The following CACNA1C variants were observed in gnomAD, a reference collection of about 807,000 sequenced individuals.
The protein encoded by CACNA1C is calcium voltage-gated channel subunit alpha1 C.
CACNA1C carries 30 observed loss-of-function variants against 229.0 expected under a neutral mutation model. The observed-to-expected ratio is 0.13, with a 90% CI of 0.10 to 0.18. The LOEUF (loss-of-function observed/expected upper bound fraction) is 0.18, where lower values mean the gene tolerates loss of function less well. CACNA1C is among the 10% of genes least tolerant of loss of function. CACNA1C has a pLI of 1.00. For missense variants in CACNA1C, 1,658 were observed against 2,845.0 expected, an observed-to-expected ratio of 0.58 and a Z score of 9.49; for synonymous variants, 1,114 against 1,132.5, an observed-to-expected ratio of 0.98 and a Z score of 0.33.
At chr12:2,186,579 G>C (rs1351657819) in intron 3 of CACNA1C, among the ~76,000 whole-genome samples, 1 of 152,170 alleles carries the variant, frequency 6.6e-6, no homozygotes, top group Non-Finnish European at 1.5e-5. Context: ...AGATGTGCTG[G>C]AGACATTGCT....
In CACNA1C at chr12:2,232,119, C is replaced by G. The variant is rs146204505; in HGVS notation, c.477+111689C>G. 1.1e-4 allele frequency among the ~76,000 whole-genome samples: 16 copies of G among 151,568 alleles called. No homozygotes were observed. The East Asian group carries it at 3.1e-3, about 30-fold the overall frequency. The stretch of plus-strand genomic sequence containing the variant: ...CATTTTGATCTTACGAGTTTCTCCA[C>G]TTCAGTCCTTTTTTTCTGGTGCAGA... On this transcript the variant is annotated intron_variant, in intron 3 of 46. Transcript: ENST00000399655.
Position 2,079,736 on chromosome 12 carries a change from A to T in CACNA1C, c.49+26125A>T, listed in dbSNP as rs931535897. Among the ~76,000 whole-genome samples, 5 of 152,308 alleles carry T rather than the reference A, an allele frequency of 3.3e-5. No individual in the cohort carries two copies. In the East Asian group the frequency reaches 7.7e-4, roughly 23 times the overall value. Reference sequence around the variant, plus strand: ...AACCCCACAAAACTAGATCTAGGATAACTGATACCCATAGGACCCTTCAAA... The same window carrying T: ...AACCCCACAAAACTAGATCTAGGATTACTGATACCCATAGGACCCTTCAAA... On this transcript the variant is annotated intron_variant, in intron 1 of 46. Transcript: ENST00000399655.
intron 3 of CACNA1C, among the ~76,000 whole-genome samples, chr12:2,313,520 C>T (rs1350037764): frequency 6.6e-6 from 1 of 152,026 alleles, no homozygotes; most frequent in Non-Finnish European, 1.5e-5. Context: ...GAAAATCCCC[C>T]AGAAAAAAAG....
At chr12:1,996,662 AC>A (rs2040992218) in intron 1 of CACNA1C, among the ~76,000 whole-genome samples, 5 of 104,028 alleles carry the variant, frequency 4.8e-5, no homozygotes, top group Admixed American at 9.8e-5. Flanking sequence ...AAAACAACAA[AC>A]TCTTCTAATG....
At chr12:2,682,882 C>CCACACA (rs2097235469) in intron 43 of CACNA1C, among the ~76,000 whole-genome samples, 1 of 16,686 alleles carries the variant, frequency 6.0e-5, no homozygotes, top group African/African-American at 8.8e-5. Flanking sequence ...ACACACACCA[C>CCACACA]ACACACACAC....
chr12:2,052,155 G>A (rs1226182235), upstream of CACNA1C, among the ~76,000 whole-genome samples: 1 of 152,170 alleles, frequency 6.6e-6, no homozygotes, highest in Non-Finnish European at 1.5e-5. Flanking sequence ...ATTCCTGCCG[G>A]AGTTGCAGAA....
At chr12:2,404,206 G>T (rs866707258) in intron 3 of CACNA1C, among the ~76,000 whole-genome samples, 3 of 152,190 alleles carry the variant, frequency 2.0e-5, no homozygotes, top group African/African-American at 7.2e-5. Flanking sequence ...AACTCGAGCC[G>T]TGTCCTTAGC....
intron 9 of CACNA1C, among the ~76,000 whole-genome samples, chr12:2,518,195 G>T (rs917293306): frequency 2.0e-5 from 3 of 152,250 alleles, no homozygotes; most frequent in African/African-American, 7.2e-5. Context: ...TGGAAGGCTT[G>T]TAAGAGCTGC....
chr12:2,566,707 G>T lies in CACNA1C; in HGVS notation c.1669+125G>T. 1 of 788,528 alleles carries T rather than the reference G, an allele frequency of 1.3e-6. No individual in the cohort carries two copies. The highest frequency in any genetic ancestry group is 2.0e-6 in the Non-Finnish European group (1 of 504,158). 48.8% of individuals were successfully genotyped at this position (788,528 alleles called of 1,614,324 possible). On this transcript the variant is annotated intron_variant, in intron 12 of 46. Transcript: ENST00000399655. The surrounding 1 kb of genome is among the most constrained non-coding windows in gnomAD (Gnocchi z 4.0). ...AGCCAATGGTCGGGGCTCTTGGCAGGTGCTGTGCTGGAGACACCAAGGGCC... is the reference window on the plus strand; with the variant it reads ...AGCCAATGGTCGGGGCTCTTGGCAGTTGCTGTGCTGGAGACACCAAGGGCC...
chr12:2,267,462 A>G (rs989668497), intron 3 of CACNA1C, among the ~76,000 whole-genome samples: 1 of 152,166 alleles, frequency 6.6e-6, no homozygotes, highest in Admixed American at 6.5e-5. Context: ...GGGTGTGGGC[A>G]GGACTGGGCA....
intron 3 of CACNA1C, among the ~76,000 whole-genome samples, chr12:2,198,129 C>T (rs938633813): frequency 9.9e-5 from 15 of 152,162 alleles, no homozygotes; most frequent in African/African-American, 3.1e-4. Context: ...GAGTCGAGGC[C>T]GAGTTTGCAT....
At chr12:2,141,750 A>C (rs2094221007) in intron 3 of CACNA1C, among the ~76,000 whole-genome samples, 1 of 151,298 alleles carries the variant, frequency 6.6e-6, no homozygotes, top group African/African-American at 2.4e-5. Flanking sequence ...AGGAGCGTGG[A>C]GACAGCTGTG....
intron 3 of CACNA1C, among the ~76,000 whole-genome samples, chr12:2,125,310 C>T (rs555580399): frequency 4.6e-5 from 7 of 152,140 alleles, no homozygotes; most frequent in African/African-American, 1.4e-4. Flanking sequence ...GCCAAAAGTA[C>T]GAGAAGAGGA....
intron 3 of CACNA1C, among the ~76,000 whole-genome samples, chr12:2,355,232 T>G (rs1387448082): frequency 6.6e-6 from 1 of 152,160 alleles, no homozygotes. Flanking sequence ...GGATCTGCCC[T>G]CCTCCGGAGG....
At chr12:2,024,496 G>A (rs1345634051) in intron 1 of CACNA1C, among the ~76,000 whole-genome samples, 1 of 152,174 alleles carries the variant, frequency 6.6e-6, no homozygotes, top group Non-Finnish European at 1.5e-5. Context: ...TGCCCTCCCT[G>A]CATGGCCCAT....
chr12:2,232,427 C>A (rs2065710934), intron 3 of CACNA1C, among the ~76,000 whole-genome samples: 1 of 151,592 alleles, frequency 6.6e-6, no homozygotes, highest in East Asian at 1.9e-4. Context: ...AGTGATGTTC[C>A]CTTCACAATG....
rs114265073 is a variant in CACNA1C, at chr12:1,993,883, A to C, written c.139+22682A>C. 1.4e-3 allele frequency among the ~76,000 whole-genome samples: 217 copies of C among 152,306 alleles called. 1 individual carries two copies. The highest frequency in any genetic ancestry group is 5.0e-3 in the African/African-American group (208 of 41,562). On this transcript the variant is annotated intron_variant, in intron 1 of 46. Transcript: ENST00000682462. ...TTAGTCTGAAATTGAAGCCTGCAAA[A>C]TCTCTTAGTGATATGAAGCAACTCT...
At chr12:2,047,534 G>A (rs1238919692) in intron 1 of CACNA1C, among the ~76,000 whole-genome samples, 4 of 152,216 alleles carry the variant, frequency 2.6e-5, no homozygotes, top group African/African-American at 9.6e-5. Flanking sequence ...TATTTAAAGT[G>A]CCTATCATAG....
chr12:2,084,437 T>TA (rs543646866), intron 1 of CACNA1C, among the ~76,000 whole-genome samples: 10 of 152,250 alleles, frequency 6.6e-5, no homozygotes, highest in Non-Finnish European at 1.2e-4. Flanking sequence ...TTCATTTTCT[T>TA]ATAGCCCTCC....
Sources: allele counts gnomAD v4.1 joint callset (sites outside exome capture counted in the v4.1 genomes callset), GRCh38; gene constraint gnomAD v4.1.1; non-coding constraint Gnocchi (gnomAD v3.1); transcripts MANE v1.5; gene names NCBI Gene and HGNC (gene_info 2026-07-23, HGNC 2026-07-21).